The following FRMD4B variants were observed in gnomAD, a reference collection of about 807,000 sequenced individuals.
FRMD4B encodes FERM domain-containing protein 4B.
In FRMD4B, 74 loss-of-function variants were observed where a neutral mutation model predicts 141.5. The observed-to-expected ratio is 0.52, with a 90% CI of 0.43 to 0.63. The LOEUF (loss-of-function observed/expected upper bound fraction) is 0.63. FRMD4B is among the 30% of genes least tolerant of loss of function. The probability of loss-of-function intolerance (pLI) is 0.00; values close to 1 mark genes in which losing one functional copy is unlikely to be tolerated. For missense variants in FRMD4B, 1,366 were observed against 1,253.4 expected (o/e 1.09, Z -1.36); for synonymous variants, 506 against 467.9 (o/e 1.08, Z -1.05).
chr3:69,194,007 T>G lies in FRMD4B; in HGVS notation c.1489-134A>C, dbSNP rs927062589. ...AGAACACTATCTTCCCAACTTTTACTGCATAGACATCCTTGTCAAACACTT... is the reference window on the plus strand; with the variant it reads ...AGAACACTATCTTCCCAACTTTTACGGCATAGACATCCTTGTCAAACACTT... On this transcript the variant is annotated intron_variant, in intron 16 of 22. Coordinates refer to ENST00000398540, the MANE Select transcript of FRMD4B (RefSeq NM_015123.3). 54 of 620,808 alleles carry G rather than the reference T, an allele frequency of 8.7e-5. 1 individual carries two copies. The South Asian group carries it at 1.0e-3, about 12-fold the overall frequency. The allele number at this position is 620,808 out of a possible 1,614,324, so 38.5% of individuals were successfully genotyped here.
chr3:69,419,664 C>T (rs1704936417), intron 2 of FRMD4B, among the ~76,000 whole-genome samples: 1 of 152,088 alleles, frequency 6.6e-6, no homozygotes, highest in Non-Finnish European at 1.5e-5. Flanking sequence ...ATCACAGGTG[C>T]CCATGACATA....
chr3:69,527,520 T>A (rs1464632807), intron 1 of FRMD4B, among the ~76,000 whole-genome samples: 1 of 152,216 alleles, frequency 6.6e-6, no homozygotes, highest in African/African-American at 2.4e-5. Flanking sequence ...GTCATTCTGT[T>A]CAACTTACTC....
chr3:69,301,596 C>CT (rs1701220390), intron 4 of FRMD4B, among the ~76,000 whole-genome samples: 1 of 152,170 alleles, frequency 6.6e-6, no homozygotes, highest in African/African-American at 2.4e-5. Context: ...TCCCAAGGTG[C>CT]TGGAATTACA....
chr3:69,288,870 TTC>T (rs1700784778), intron 4 of FRMD4B, among the ~76,000 whole-genome samples: 1 of 152,244 alleles, frequency 6.6e-6, no homozygotes. Flanking sequence ...GAGCCTTTGC[TTC>T]TCTTTTTCTC....
intron 1 of FRMD4B, among the ~76,000 whole-genome samples, chr3:69,478,397 A>G (rs1003705680): frequency 3.9e-5 from 6 of 152,268 alleles, no homozygotes; most frequent in Admixed American, 1.3e-4. Flanking sequence ...AGATTCTGGT[A>G]TGTTGTGTCT....
At chr3:69,383,601 T>G (rs1575780317) in intron 1 of FRMD4B, among the ~76,000 whole-genome samples, 1 of 152,342 alleles carries the variant, frequency 6.6e-6, no homozygotes, top group East Asian at 1.9e-4. Context: ...CCTCTGTCAC[T>G]TAGGCTGAAG....
chr3:69,445,754 A>C (rs760582133), intron 1 of FRMD4B, among the ~76,000 whole-genome samples: 2 of 152,146 alleles, frequency 1.3e-5, no homozygotes, highest in Non-Finnish European at 2.9e-5. Context: ...CCATCTCATA[A>C]TTCGAATTCA....
intron 1 of FRMD4B, among the ~76,000 whole-genome samples, chr3:69,533,851 TCCATGTTCATTCACATC>T (rs1701040372): frequency 6.6e-6 from 1 of 152,168 alleles, no homozygotes; most frequent in Admixed American, 6.5e-5. Context: ...GAGTTCACCT[TCCATGTTCATTCACATC>T]CCATGTTCAT....
intron 2 of FRMD4B, among the ~76,000 whole-genome samples, chr3:69,424,772 C>T (rs948013386): frequency 7.9e-5 from 12 of 152,096 alleles, no homozygotes; most frequent in Non-Finnish European, 1.8e-4. Context: ...AAAGCAACTT[C>T]TTTAAAAATT....
At chr3:69,283,983 A>AAAC (rs397968472) in intron 5 of FRMD4B, among the ~76,000 whole-genome samples, 1 of 151,596 alleles carries the variant, frequency 6.6e-6, no homozygotes, top group East Asian at 1.9e-4. Context: ...AACAAAAAAA[A>AAAC]CAAAAAACAG....
At chr3:69,247,210 A>T (rs2093431073) in intron 7 of FRMD4B, among the ~76,000 whole-genome samples, 1 of 152,248 alleles carries the variant, frequency 6.6e-6, no homozygotes, top group South Asian at 2.1e-4. Context: ...TTCTCATGAC[A>T]GTTTTATGGG....
chr3:69,235,254 C>A (rs1195573935), intron 7 of FRMD4B, among the ~76,000 whole-genome samples: 2 of 151,458 alleles, frequency 1.3e-5, no homozygotes, highest in African/African-American at 4.8e-5. Context: ...GGTCAGGGAG[C>A]CTGAGCAAAG....
In FRMD4B at chr3:69,197,180, G is replaced by A. The variant is rs144873541; in HGVS notation, c.954-142C>T. The A allele has an allele frequency of 9.0e-3, 5,032 of 558,836 alleles. 33 individuals are homozygous for A. The highest frequency in any genetic ancestry group is 0.012 in the Non-Finnish European group (4,017 of 321,588). The allele number at this position is 558,836 out of a possible 1,614,324, so 34.6% of individuals were successfully genotyped here. A position where few individuals can be genotyped will look rare whatever the true frequency, so the allele number is the denominator to read the frequency against. ...AAACTCTTACGCAAATGGGGACCAA[G>A]TTTCTGATTTTCTCCTTTTACAACA... On this transcript the variant is annotated intron_variant, in intron 12 of 22. Coordinates refer to ENST00000398540, the MANE Select transcript of FRMD4B (RefSeq NM_015123.3).
chr3:69,251,186 T>G (rs13322901), intron 5 of FRMD4B, among the ~76,000 whole-genome samples: 12,563 of 152,220 alleles, frequency 0.083, 747 homozygotes, highest in East Asian at 0.21. Context: ...ATTGCCTAAG[T>G]CCTGTATAAT....
intron 1 of FRMD4B, among the ~76,000 whole-genome samples, chr3:69,447,769 A>C (rs762620324): frequency 2.0e-5 from 3 of 152,156 alleles, no homozygotes; most frequent in Non-Finnish European, 4.4e-5. Context: ...CTTTTTCTAG[A>C]ATTTCACATG....
At chr3:69,285,859 AT>A (rs562253299) in intron 5 of FRMD4B, among the ~76,000 whole-genome samples, 56 of 152,254 alleles carry the variant, frequency 3.7e-4, no homozygotes, top group African/African-American at 1.3e-3. Flanking sequence ...GAAAAAAAAA[AT>A]AATTGCTCAA....
chr3:69,430,155 A>G lies in FRMD4B; in HGVS notation c.-1+2479T>C, dbSNP rs555461174. ...CTGCTTGGTACTATAATCAGGACTG[A>G]TATTGAGTAGGAATGCACACATACA... On this transcript the variant is annotated intron_variant, in intron 2 of 5. Coordinates refer to the FRMD4B transcript ENST00000459638. 9.2e-5 allele frequency among the ~76,000 whole-genome samples: 14 copies of G among 152,242 alleles called. 1 individual carries two copies. In the South Asian group the frequency reaches 2.7e-3, roughly 29 times the overall value.
intron 1 of FRMD4B, among the ~76,000 whole-genome samples, chr3:69,467,479 G>T (rs918303993): frequency 2.0e-5 from 3 of 152,014 alleles, no homozygotes; most frequent in African/African-American, 7.2e-5. Flanking sequence ...AAATTGTTTC[G>T]CTCACTGTAG....
At chr3:69,286,862 T>C (rs1199216480) in intron 5 of FRMD4B, among the ~76,000 whole-genome samples, 1 of 152,254 alleles carries the variant, frequency 6.6e-6, no homozygotes, top group East Asian at 1.9e-4. Context: ...TGGAGTGCAG[T>C]GGCACAATCT....
Sources: allele counts gnomAD v4.1 joint callset (sites outside exome capture counted in the v4.1 genomes callset), GRCh38; gene constraint gnomAD v4.1.1; transcripts MANE v1.5; gene names NCBI Gene and HGNC (gene_info 2026-07-23, HGNC 2026-07-21).